Variants in KDM4D observed in about 807,000 individuals in gnomAD.
KDM4D encodes the protein lysine-specific demethylase 4D.
For missense variants in KDM4D, 427 were observed against 674.8 expected (o/e 0.63, Z 4.07); for synonymous variants, 254 against 249.1 (o/e 1.02, Z -0.19).
At position 94,998,906 on chromosome 11, in the gene KDM4D, G is replaced by C. The variant is rs1030265940; in HGVS notation, c.1534G>C (p.Val512Leu). ...ACTGAGCCCAGGGCTCCAGCATCCT[G>C]TCAAGGCTTCTGGGTGCAGCTGGGC... ...VPLSPGLQHP[V>L]KASGCSWAPV... The change falls in exon 3 of 3, where the codon GTC becomes CTC. Residue 512 changes from valine (V) to leucine (L), a missense_variant. Val to Leu is a conservative substitution (Grantham distance 32). Transcript: ENST00000335080. This position sits in a 1 kb window ranked among gnomAD's most constrained non-coding sequence, Gnocchi z 6.7. The C allele has an allele frequency of 6.6e-7, 1 of 1,514,442 alleles. No individual in the cohort carries two copies. The highest frequency in any genetic ancestry group is 8.8e-7 in the Non-Finnish European group (1 of 1,131,416). 93.8% of individuals were successfully genotyped at this position (1,514,442 alleles called of 1,614,324 possible). A position where few individuals can be genotyped will look rare whatever the true frequency, so the allele number is the denominator to read the frequency against.
chr11:94,981,376 T>C lies in KDM4D; in HGVS notation c.-350+5628T>C, dbSNP rs143463536. ...TCGTACCATAAAATGAATTGGGAAG[T>C]ATTCTTTCTTTTTCTATTCTCTGAG... On this transcript the variant is annotated intron_variant, in intron 2 of 2. Transcript: ENST00000335080. Among the ~76,000 whole-genome samples, 8 of 152,164 alleles carry C rather than the reference T, an allele frequency of 5.3e-5. No homozygotes were observed. In the East Asian group the frequency reaches 1.5e-3, roughly 29 times the overall value.
At position 94,992,178 on chromosome 11, in the gene KDM4D, G is replaced by A. The variant is rs587730422; in HGVS notation, c.-349-4846G>A. ...ATAACTTTCTAAACATGAAAAACAT[G>A]AAAAATATTACAAAGGAAAATAAAA... On this transcript the variant is annotated intron_variant, in intron 2 of 2. Coordinates refer to ENST00000335080, the MANE Select transcript of KDM4D (RefSeq NM_018039.3). 7.2e-5 allele frequency among the ~76,000 whole-genome samples: 11 copies of A among 151,844 alleles called. No individual in the cohort carries two copies. The South Asian group carries it at 2.3e-3, about 32-fold the overall frequency.
At chr11:94,980,482 T>G (rs782498813) in intron 2 of KDM4D, among the ~76,000 whole-genome samples, 12 of 152,218 alleles carry the variant, frequency 7.9e-5, no homozygotes, top group Non-Finnish European at 1.3e-4. Flanking sequence ...ATTTACAGAT[T>G]AAGAAAACAT....
intron 2 of KDM4D, among the ~76,000 whole-genome samples, chr11:94,983,724 TAAC>T (rs201707140): frequency 0.019 from 2,861 of 151,956 alleles, 81 homozygotes; most frequent in African/African-American, 0.065. Context: ...CACACAATAA[TAAC>T]AACAACAACA....
At chr11:94,977,467 C>A (rs1453925776) in intron 2 of KDM4D, among the ~76,000 whole-genome samples, 1 of 152,106 alleles carries the variant, frequency 6.6e-6, no homozygotes, top group Non-Finnish European at 1.5e-5. Context: ...CACAGCTGCT[C>A]CTGCTTTAGG....
chr11:94,977,670 T>C (rs1555097134), intron 2 of KDM4D, among the ~76,000 whole-genome samples: 1 of 152,050 alleles, frequency 6.6e-6, no homozygotes, highest in African/African-American at 2.4e-5. Flanking sequence ...AAAATTATAT[T>C]ATATATAATT....
intron 2 of KDM4D, among the ~76,000 whole-genome samples, chr11:94,994,644 A>T (rs1205864601): frequency 1.3e-5 from 2 of 151,916 alleles, no homozygotes; most frequent in Non-Finnish European, 2.9e-5. Context: ...TGAACCAGTG[A>T]TGTTCTGTGA....
At chr11:94,977,371 G>A (rs1227293314) in intron 2 of KDM4D, among the ~76,000 whole-genome samples, 2 of 152,086 alleles carry the variant, frequency 1.3e-5, no homozygotes, top group African/African-American at 4.8e-5. Context: ...GTTTTCTATG[G>A]TCTACCCTTT....
intron 2 of KDM4D, among the ~76,000 whole-genome samples, chr11:94,981,792 T>C (rs1555097578): frequency 2.0e-5 from 3 of 151,740 alleles, no homozygotes; most frequent in Non-Finnish European, 4.4e-5. Context: ...GCCCAACTTT[T>C]GGTTTTGTTC....
chr11:94,997,501 A>G lies in KDM4D; in HGVS notation c.129A>G (p.Ala43=), dbSNP rs1555099341. ...TTGCTTACATGGAATCCCAAGGTGC[A>G]CACAGAGCTGGCTTGGCTAAGATAA... ...KYIAYMESQG[A]HRAGLAKIIP... The change falls in exon 3 of 3, where the codon GCA becomes GCG. Residue 43 remains alanine, a synonymous_variant. Transcript: ENST00000335080. 1 of 1,614,116 alleles carries G rather than the reference A, an allele frequency of 6.2e-7. No individual in the cohort carries two copies. The highest frequency in any genetic ancestry group is 1.3e-5 in the African/African-American group (1 of 74,948).
chr11:94,990,780 G>C (rs1445151642), intron 2 of KDM4D, among the ~76,000 whole-genome samples: 1 of 152,164 alleles, frequency 6.6e-6, no homozygotes. Flanking sequence ...AACCCAAAAG[G>C]CTTAGGATGT....
At position 94,997,523 on chromosome 11, in the gene KDM4D, A is replaced by C; in HGVS notation, c.151A>C (p.Ile51Leu). 6.2e-7 allele frequency: 1 copy of C among 1,614,216 alleles called. No homozygotes were observed. ...TGCACACAGAGCTGGCTTGGCTAAG[A>C]TAATTCCACCCAAAGAATGGAAAGC... ...QGAHRAGLAK[I>L]IPPKEWKARE... Residue 51 changes from isoleucine (I) to leucine (L), a missense_variant, in exon 3 of 3, where the codon ATA becomes CTA. Physicochemically the swap from Ile to Leu is conservative, Grantham distance 5. Coordinates refer to ENST00000335080, the MANE Select transcript of KDM4D (RefSeq NM_018039.3).
chr11:94,987,594 G>A (rs1477123381), intron 2 of KDM4D, among the ~76,000 whole-genome samples: 2 of 152,122 alleles, frequency 1.3e-5, no homozygotes, highest in African/African-American at 4.8e-5. Flanking sequence ...CATAGCAAAC[G>A]CAACTCTTCA....
chr11:94,976,550 A>G (rs1857798723), intron 2 of KDM4D, among the ~76,000 whole-genome samples: 1 of 152,026 alleles, frequency 6.6e-6, no homozygotes, highest in Admixed American at 6.6e-5. Context: ...AGTGGCTGGC[A>G]TTTTGCTATA....
intron 2 of KDM4D, among the ~76,000 whole-genome samples, chr11:94,993,575 C>T (rs1481779030): frequency 6.7e-6 from 1 of 149,024 alleles, no homozygotes; most frequent in East Asian, 2.0e-4. Context: ...TTTTGATATG[C>T]AACATCTGAA....
chr11:94,976,023 T>G (rs1408734349), intron 2 of KDM4D, among the ~76,000 whole-genome samples: 2 of 152,328 alleles, frequency 1.3e-5, no homozygotes, highest in South Asian at 2.1e-4. Flanking sequence ...GCTTTTGACT[T>G]AAATGAAAGT....
rs1173098922 is a variant in KDM4D, at chr11:94,997,235, T to A, written c.-138T>A. The A allele has an allele frequency of 1.1e-5, 5 of 461,518 alleles. No individual in the cohort carries two copies. Among genetic ancestry groups the A allele is most frequent in the Non-Finnish European group, 1.7e-5 (5 of 291,248 alleles). 28.6% of individuals were successfully genotyped at this position (461,518 alleles called of 1,614,324 possible). A position where few individuals can be genotyped will look rare whatever the true frequency, so the allele number is the denominator to read the frequency against. ...AAGCCCAAGAAAGATTATCATCTCA[T>A]TTGCAAAAAAAAAAGTACGCTGGTA... On this transcript the variant is annotated 5_prime_UTR_variant, in exon 3 of 3. Coordinates refer to ENST00000335080, the MANE Select transcript of KDM4D (RefSeq NM_018039.3).
rs1857995396 is a variant in KDM4D, at chr11:94,998,451, C to G, written c.1079C>G (p.Thr360Ser). 6.2e-7 allele frequency: 1 copy of G among 1,613,324 alleles called. No individual in the cohort carries two copies. The highest frequency in any genetic ancestry group is 1.7e-5 in the Admixed American group (1 of 60,020). Residue 360 changes from threonine to serine, a missense_variant, in exon 3 of 3, where the codon ACC becomes AGC. Transcript: ENST00000335080. The surrounding 1 kb of genome is among the most constrained non-coding windows in gnomAD (Gnocchi z 6.7). ...GTACCAGCCAGCCAAGAGCTGAGCA[C>G]CCAGAAGGAAGTCCAGTTACCCAGG... ...PRVPASQELS[T>S]QKEVQLPRRA...
At chr11:94,980,972 C>G (rs1399180478) in intron 2 of KDM4D, among the ~76,000 whole-genome samples, 1 of 152,100 alleles carries the variant, frequency 6.6e-6, no homozygotes, top group African/African-American at 2.4e-5. Context: ...TGATAGCAAG[C>G]ATCCTTGTCT....
Sources: gnomAD v4.1 joint callset for allele counts (sites outside exome capture counted in the v4.1 genomes callset) on GRCh38, gnomAD v4.1.1 for gene constraint, Gnocchi (gnomAD v3.1) non-coding constraint, MANE v1.5 for transcripts, NCBI Gene and HGNC (gene_info 2026-07-23, HGNC 2026-07-21) for gene names.